Variants in PPP2R5E observed in about 807,000 individuals in gnomAD.
PPP2R5E encodes the protein protein phosphatase 2 regulatory subunit B'epsilon, also known as serine/threonine-protein phosphatase 2A 56 kDa regulatory subunit epsilon isoform.
Under a neutral mutation model 65.3 loss-of-function variants are expected in PPP2R5E, and 4 were observed. The ratio of observed to expected loss-of-function variants is 0.06; its 90% CI spans 0.03 to 0.14. The LOEUF (loss-of-function observed/expected upper bound fraction) is 0.14, where lower values mean the gene tolerates loss of function less well. PPP2R5E is among the 10% of genes least tolerant of loss of function. PPP2R5E has a pLI of 1.00. For synonymous variants in PPP2R5E, 183 were observed against 187.4 expected (o/e 0.98, Z 0.19); for missense variants, 274 against 556.1 (o/e 0.49, Z 5.10).
At chr14:63,442,240 A>G (rs1888273545) in intron 3 of PPP2R5E, among the ~76,000 whole-genome samples, 1 of 152,122 alleles carries the variant, frequency 6.6e-6, no homozygotes, top group African/African-American at 2.4e-5. Flanking sequence ...TTAATTTCTA[A>G]TCTAATTCTC....
chr14:63,469,575 T>C (rs866854617), intron 2 of PPP2R5E, among the ~76,000 whole-genome samples: 28 of 152,094 alleles, frequency 1.8e-4, no homozygotes, highest in African/African-American at 6.5e-4. Context: ...GCGCCTGTAG[T>C]CCCAGCTACT....
At chr14:63,452,705 C>T (rs193193737) in intron 3 of PPP2R5E, 4 of 152,166 alleles carry the variant, frequency 2.6e-5, no homozygotes, top group South Asian at 2.1e-4. Flanking sequence ...CACAGTCTCA[C>T]GCTGAGATCA....
At position 63,384,614 on chromosome 14, in the gene PPP2R5E, C is replaced by T. The variant is rs1004572643; in HGVS notation, c.1075-43G>A. ...TAAAATGTTAAGAGAGAGAAAAAGA[C>T]AAAGATAAAACAAAATTATAAATCT... On this transcript the variant is annotated intron_variant, in intron 11 of 13. Coordinates refer to ENST00000337537, the MANE Select transcript of PPP2R5E (RefSeq NM_006246.5). 4 of 1,513,956 alleles carry T rather than the reference C, an allele frequency of 2.6e-6. No homozygotes were observed. The African/African-American group carries it at 5.6e-5, about 21-fold the overall frequency. The allele number at this position is 1,513,956 out of a possible 1,614,324, so 93.8% of individuals were successfully genotyped here.
chr14:63,376,209 CTTAA>C (rs1883974219), intron 13 of PPP2R5E, 101 bp from the exon 14 acceptor site: 13 of 745,484 alleles, frequency 1.7e-5, no homozygotes, highest in East Asian at 2.8e-5. Flanking sequence ...TTATACTTAG[CTTAA>C]TTGAGAAAAT....
intron 11 of PPP2R5E, among the ~76,000 whole-genome samples, chr14:63,386,422 A>T (rs1884667861): frequency 6.6e-6 from 1 of 152,236 alleles, no homozygotes; most frequent in African/African-American, 2.4e-5. Context: ...TAAGTGGCAG[A>T]TTCCAAAGTC....
At chr14:63,478,122 A>G (rs1890497558) in intron 2 of PPP2R5E, among the ~76,000 whole-genome samples, 1 of 152,190 alleles carries the variant, frequency 6.6e-6, no homozygotes, top group Admixed American at 6.5e-5. Flanking sequence ...AAAGGTTTTT[A>G]TGATGTGGAT....
chr14:63,539,192 T>C (rs1013643481), intron 2 of PPP2R5E, among the ~76,000 whole-genome samples: 17 of 152,174 alleles, frequency 1.1e-4, no homozygotes, highest in African/African-American at 4.1e-4. Flanking sequence ...TAATCTGTAG[T>C]TGTCATTGTA....
At chr14:63,466,330 T>C (rs1424307414) in intron 2 of PPP2R5E, among the ~76,000 whole-genome samples, 1 of 149,282 alleles carries the variant, frequency 6.7e-6, no homozygotes, top group Non-Finnish European at 1.5e-5. Flanking sequence ...AGCTTAGAGA[T>C]GCTATTTTTG....
At chr14:63,514,679 A>G (rs1892594038) in intron 2 of PPP2R5E, among the ~76,000 whole-genome samples, 1 of 152,168 alleles carries the variant, frequency 6.6e-6, no homozygotes, top group South Asian at 2.1e-4. Flanking sequence ...AGCAGCGAAG[A>G]TGAGAGGGGG....
chr14:63,520,325 G>A (rs904417526), intron 2 of PPP2R5E, among the ~76,000 whole-genome samples: 2 of 151,810 alleles, frequency 1.3e-5, no homozygotes, highest in South Asian at 2.1e-4. Context: ...GTGAGCCACC[G>A]CGCCCAGCCA....
At chr14:63,412,197 C>T (rs377197920) in intron 5 of PPP2R5E, among the ~76,000 whole-genome samples, 14 of 152,300 alleles carry the variant, frequency 9.2e-5, no homozygotes, top group African/African-American at 3.4e-4. Context: ...TGGTGCACAC[C>T]TGTAGTTTCA....
chr14:63,420,278 T>C (rs887242878), intron 4 of PPP2R5E, among the ~76,000 whole-genome samples: 7 of 152,202 alleles, frequency 4.6e-5, no homozygotes, highest in African/African-American at 1.7e-4. Flanking sequence ...TCTTCCAGAC[T>C]AAACTGTAAT....
chr14:63,522,043 G>T (rs1384709186), intron 2 of PPP2R5E, among the ~76,000 whole-genome samples: 2 of 142,896 alleles, frequency 1.4e-5, no homozygotes, highest in African/African-American at 2.6e-5. Context: ...CAACCTCCCT[G>T]CCTGATTCTC....
At chr14:63,394,887 C>T (rs1328817415) in intron 7 of PPP2R5E, among the ~76,000 whole-genome samples, 1 of 152,184 alleles carries the variant, frequency 6.6e-6, no homozygotes, top group African/African-American at 2.4e-5. Context: ...TTGCTTTCAA[C>T]AGATAAGGCA....
At chr14:63,418,162 G>T (rs183531330) in intron 4 of PPP2R5E, among the ~76,000 whole-genome samples, 12 of 152,258 alleles carry the variant, frequency 7.9e-5, no homozygotes, top group Admixed American at 4.6e-4. Context: ...AGACCTCAGA[G>T]AATTGTTCCT....
intron 5 of PPP2R5E, among the ~76,000 whole-genome samples, chr14:63,413,919 C>T (rs898953960): frequency 2.0e-5 from 3 of 152,144 alleles, no homozygotes; most frequent in Admixed American, 2.0e-4. Context: ...AGGATCCGCC[C>T]CATGTACCTA....
chr14:63,518,720 A>G (rs1372269081), intron 2 of PPP2R5E, among the ~76,000 whole-genome samples: 1 of 152,222 alleles, frequency 6.6e-6, no homozygotes, highest in Non-Finnish European at 1.5e-5. Flanking sequence ...ATGACAAGAG[A>G]ACTTTTTAAA....
chr14:63,425,318 TC>T (rs1297856265), intron 3 of PPP2R5E, among the ~76,000 whole-genome samples: 1 of 152,206 alleles, frequency 6.6e-6, no homozygotes, highest in African/African-American at 2.4e-5. Context: ...ACCTACGACT[TC>T]CCTTCAACCA....
chr14:63,541,822 TA>T (rs1015167903), intron 1 of PPP2R5E, among the ~76,000 whole-genome samples: 138 of 145,476 alleles, frequency 9.5e-4, no homozygotes, highest in East Asian at 1.6e-3. Flanking sequence ...TGGTTTTCTT[TA>T]AAAAAAAAAA....
Sources: gnomAD v4.1 joint callset for allele counts (sites outside exome capture counted in the v4.1 genomes callset) on GRCh38, gnomAD v4.1.1 for gene constraint, MANE v1.5 for transcripts, NCBI Gene and HGNC (gene_info 2026-07-23, HGNC 2026-07-21) for gene names.